MATN2: variants seen among roughly 807,000 people sequenced by gnomAD.
The protein encoded by MATN2 is matrilin 2.
In MATN2, 69 loss-of-function variants were observed where a neutral mutation model predicts 103.2. The observed-to-expected ratio is 0.67, with a 90% CI of 0.55 to 0.82. The LOEUF is 0.82. Ranked by LOEUF, MATN2 falls within the 40% of genes least tolerant of loss-of-function variation. The pLI, the probability that MATN2 is intolerant of heterozygous loss-of-function variation, is 0.00. For missense variants in MATN2, 1,023 were observed against 1,211.5 expected (o/e 0.84, Z 2.31); for synonymous variants, 429 against 450.2 (o/e 0.95, Z 0.60).
At chr8:97,933,690 A>G (rs1290330645) in intron 3 of MATN2, among the ~76,000 whole-genome samples, 1 of 152,088 alleles carries the variant, frequency 6.6e-6, no homozygotes, top group Non-Finnish European at 1.5e-5. Flanking sequence ...CTAAGAAAAC[A>G]TTAGCGTTAT....
rs558438261 is a variant in MATN2, at chr8:97,908,150, A to T, written c.142+19908A>T. ...TGGCTAAGTTCATAGATAATTGGGT[A>T]GTTGGCTGAGGCAGGAGAATCGCTT... On this transcript the variant is annotated intron_variant, in intron 2 of 18. Transcript: ENST00000254898. Among the ~76,000 whole-genome samples the T allele has an allele frequency of 2.4e-4, 37 of 152,212 alleles. 1 individual carries two copies. The highest frequency in any genetic ancestry group is 2.2e-3 in the Admixed American group (33 of 15,280).
At chr8:97,912,787 G>T (rs1164585284) in intron 2 of MATN2, among the ~76,000 whole-genome samples, 1 of 152,174 alleles carries the variant, frequency 6.6e-6, no homozygotes, top group Non-Finnish European at 1.5e-5. Flanking sequence ...AGAGAGTGGG[G>T]GTGATACGTG....
intron 13 of MATN2, among the ~76,000 whole-genome samples, chr8:98,024,556 A>T (rs1172445168): frequency 1.3e-5 from 2 of 152,362 alleles, no homozygotes; most frequent in Admixed American, 1.3e-4. Flanking sequence ...TATTGTAATC[A>T]TCAACAGCAG....
At chr8:97,948,063 C>T (rs1341824233) in intron 4 of MATN2, among the ~76,000 whole-genome samples, 1 of 152,168 alleles carries the variant, frequency 6.6e-6, no homozygotes, top group Admixed American at 6.5e-5. Context: ...GAACAATAGA[C>T]AGCAGATCAG....
chr8:97,951,815 C>A (rs760441772), intron 4 of MATN2, among the ~76,000 whole-genome samples: 1 of 152,164 alleles, frequency 6.6e-6, no homozygotes, highest in Non-Finnish European at 1.5e-5. Flanking sequence ...GAGATTCCCC[C>A]CTTCCTCCTT....
chr8:97,962,832 T>C (rs1356107399), intron 5 of MATN2, among the ~76,000 whole-genome samples: 2 of 152,204 alleles, frequency 1.3e-5, no homozygotes, highest in Non-Finnish European at 2.9e-5. Context: ...CATATAAATA[T>C]CTACTTTAAA....
intron 6 of MATN2, among the ~76,000 whole-genome samples, chr8:97,981,135 T>C (rs1812006041): frequency 6.7e-6 from 1 of 149,830 alleles, no homozygotes; most frequent in South Asian, 2.1e-4. Flanking sequence ...TAGTGAGCCA[T>C]GATGGCACCA....
At chr8:97,972,354 AAG>A (rs1491068413) in intron 5 of MATN2, among the ~76,000 whole-genome samples, 4 of 134,242 alleles carry the variant, frequency 3.0e-5, no homozygotes, top group Admixed American at 1.6e-4. Flanking sequence ...AAAAAAAAAA[AAG>A]AAAAGAAAAG....
At chr8:97,984,299 T>C (rs1812125485) in intron 6 of MATN2, among the ~76,000 whole-genome samples, 1 of 152,250 alleles carries the variant, frequency 6.6e-6, no homozygotes. Flanking sequence ...CTGATATCTA[T>C]TTCCTTGCTC....
At chr8:97,914,357 CCTTTTTT>C (rs1809549553) in intron 2 of MATN2, among the ~76,000 whole-genome samples, 3 of 125,800 alleles carry the variant, frequency 2.4e-5, no homozygotes, top group South Asian at 2.6e-4. Flanking sequence ...AAAATCCAGA[CCTTTTTT>C]TTTTTTTTTT....
Position 97,987,746 on chromosome 8 carries a change from TA to T in MATN2, c.1082-6733del, listed in dbSNP as rs549517402. On this transcript the variant is annotated intron_variant, in intron 6 of 18. Coordinates refer to ENST00000254898, the MANE Select transcript of MATN2 (RefSeq NM_002380.5). Reference sequence around the variant, plus strand: ...TGTCCCATGGTAAATGCTCAGAGAATATTTACTGAATGAATGAATGAACAGG... The same window carrying T: ...TGTCCCATGGTAAATGCTCAGAGAATTTTACTGAATGAATGAATGAACAGG... 3.4e-3 allele frequency among the ~76,000 whole-genome samples: 515 copies of T among 152,262 alleles called. 1 individual carries two copies. The highest frequency in any genetic ancestry group is 6.4e-3 in the Non-Finnish European group (434 of 68,012).
At chr8:97,978,136 G>T (rs1178909167) in intron 5 of MATN2, among the ~76,000 whole-genome samples, 1 of 152,018 alleles carries the variant, frequency 6.6e-6, no homozygotes, top group Non-Finnish European at 1.5e-5. Context: ...TTTCTTACTT[G>T]TTCTATCCCT....
chr8:97,951,760 C>G (rs1200978773), intron 4 of MATN2, among the ~76,000 whole-genome samples: 1 of 152,174 alleles, frequency 6.6e-6, no homozygotes, highest in African/African-American at 2.4e-5. Context: ...TTATTTTTGT[C>G]AACCTCATTC....
chr8:98,006,066 T>G (rs1052775850), intron 8 of MATN2, among the ~76,000 whole-genome samples: 1 of 152,218 alleles, frequency 6.6e-6, no homozygotes, highest in Admixed American at 6.5e-5. Context: ...AAGGGAAACC[T>G]GGGAAGCAGC....
At chr8:98,030,705 C>G (rs559643894) in intron 15 of MATN2, 91 bp downstream of exon 15, 237 of 1,280,364 alleles carry the variant, frequency 1.9e-4, no homozygotes, top group Admixed American at 3.2e-4. Flanking sequence ...CTCTGTCATC[C>G]AGGCTGGAGT....
intron 1 of MATN2, among the ~76,000 whole-genome samples, chr8:97,873,224 G>GA (rs1473091690): frequency 2.0e-5 from 3 of 151,904 alleles, no homozygotes; most frequent in Non-Finnish European, 4.4e-5. Context: ...AAACTATTTA[G>GA]AAAAAAGAAA....
intron 14 of MATN2, among the ~76,000 whole-genome samples, chr8:98,028,548 G>A (rs186503229): frequency 2.2e-4 from 33 of 152,228 alleles, no homozygotes; most frequent in Admixed American, 3.3e-4. Context: ...TTCCTTGAGG[G>A]AGATAAGAAA....
chr8:97,941,631 T>C, intron 3 of MATN2, 146 bp from the exon 4 acceptor site: 2 of 790,642 alleles, frequency 2.5e-6, no homozygotes, highest in East Asian at 3.0e-5. Context: ...CCTTGGACTG[T>C]GAGCCCCCTT....
At chr8:98,026,358 C>A (rs540149932) in intron 13 of MATN2, among the ~76,000 whole-genome samples, 1 of 151,442 alleles carries the variant, frequency 6.6e-6, no homozygotes. Context: ...TTCTTGGGCT[C>A]CGGTAATCTT....
Sources: gnomAD v4.1 joint callset for allele counts (sites outside exome capture counted in the v4.1 genomes callset) on GRCh38, gnomAD v4.1.1 for gene constraint, MANE v1.5 for transcripts, NCBI Gene and HGNC (gene_info 2026-07-23, HGNC 2026-07-21) for gene names.